The following LHFPL3 variants were observed in gnomAD, a reference collection of about 807,000 sequenced individuals.
LHFPL3 encodes the protein LHFPL tetraspan subfamily member 3 protein.
Under a neutral mutation model 19.3 loss-of-function variants are expected in LHFPL3, and 5 were observed. The observed-to-expected ratio is 0.26, with a 90% CI of 0.14 to 0.54. The LOEUF is 0.54. Among genes scored for constraint, LHFPL3 ranks in the 20% least tolerant of loss-of-function variants. The pLI, the probability that LHFPL3 is intolerant of heterozygous loss-of-function variation, is 0.94. For missense variants in LHFPL3, 249 were observed against 307.4 expected, an observed-to-expected ratio of 0.81 and a Z score of 1.42; for synonymous variants, 133 against 126.2, an observed-to-expected ratio of 1.05 and a Z score of -0.36.
At position 104,369,179 on chromosome 7, in the gene LHFPL3, C is replaced by G. The variant is rs941740200; in HGVS notation, c.445+39955C>G. 4.6e-5 allele frequency among the ~76,000 whole-genome samples: 7 copies of G among 152,172 alleles called. 1 individual carries two copies. Among genetic ancestry groups the G allele is most frequent in the South Asian group, 4.2e-4 (2 of 4,808 alleles). ...CCAGTTTTAGGACATTACCATCAAC[C>G]CCCCCAAAATTCTCTTGAGTCTGTG... On this transcript the variant is annotated intron_variant, in intron 1 of 2. Coordinates refer to ENST00000424859, the MANE Select transcript of LHFPL3 (RefSeq NM_199000.3).
chr7:104,442,245 T>A (rs921329011), intron 1 of LHFPL3, among the ~76,000 whole-genome samples: 1 of 5,618 alleles, frequency 1.8e-4, no homozygotes, highest in East Asian at 2.3e-3. Flanking sequence ...AAATCTGGTC[T>A]TTTTTTTTTT....
At chr7:104,523,578 G>C (rs1794123538) in intron 1 of LHFPL3, among the ~76,000 whole-genome samples, 1 of 152,074 alleles carries the variant, frequency 6.6e-6, no homozygotes, top group Non-Finnish European at 1.5e-5. Context: ...TATAGGCCAG[G>C]CATCTTTTCT....
intron 2 of LHFPL3, among the ~76,000 whole-genome samples, chr7:104,754,689 G>A (rs1045283556): frequency 6.6e-6 from 1 of 152,200 alleles, no homozygotes; most frequent in Non-Finnish European, 1.5e-5. Context: ...GCCTCATGAT[G>A]CAGATCAATA....
At chr7:104,854,600 T>G (rs962817602) in intron 2 of LHFPL3, among the ~76,000 whole-genome samples, 6 of 152,226 alleles carry the variant, frequency 3.9e-5, no homozygotes, top group African/African-American at 1.4e-4. Flanking sequence ...CTTCTTATAC[T>G]CAACACAGAT....
At chr7:104,509,219 A>T (rs1275899523) in intron 1 of LHFPL3, among the ~76,000 whole-genome samples, 1 of 151,858 alleles carries the variant, frequency 6.6e-6, no homozygotes, top group East Asian at 1.9e-4. Context: ...ACCTAGTATC[A>T]TCCTGATACC....
intron 1 of LHFPL3, among the ~76,000 whole-genome samples, chr7:104,389,650 G>C (rs1301436536): frequency 6.6e-6 from 1 of 152,176 alleles, no homozygotes; most frequent in Admixed American, 6.6e-5. Flanking sequence ...GTGTGGTTCT[G>C]ACATAAGGAT....
At chr7:104,616,773 C>G (rs1791352280) in intron 1 of LHFPL3, among the ~76,000 whole-genome samples, 1 of 151,986 alleles carries the variant, frequency 6.6e-6, no homozygotes, top group Non-Finnish European at 1.5e-5. Flanking sequence ...GTCTAATATC[C>G]AGAATCTACA....
intron 1 of LHFPL3, among the ~76,000 whole-genome samples, chr7:104,731,976 G>C (rs1391350992): frequency 2.6e-5 from 4 of 152,208 alleles, no homozygotes; most frequent in Non-Finnish European, 5.9e-5. Context: ...CATCTATTGA[G>C]ATAATCATGT....
chr7:104,669,081 A>G (rs1199540489), intron 1 of LHFPL3: 20 of 1,612,538 alleles, frequency 1.2e-5, no homozygotes, highest in Non-Finnish European at 1.7e-5. Flanking sequence ...AGTCTCTAGA[A>G]AATGAAACAC....
chr7:104,377,398 A>G (rs1790736649), intron 1 of LHFPL3, among the ~76,000 whole-genome samples: 2 of 152,262 alleles, frequency 1.3e-5, no homozygotes, highest in Admixed American at 6.5e-5. Flanking sequence ...CAGGAAAAGA[A>G]GAGAAACCAG....
chr7:104,583,301 A>G (rs1266551832), intron 1 of LHFPL3, among the ~76,000 whole-genome samples: 1 of 151,448 alleles, frequency 6.6e-6, no homozygotes, highest in South Asian at 2.1e-4. Context: ...ACCTTATACA[A>G]AAATTAATTC....
chr7:104,762,064 TC>T (rs1306950281), intron 2 of LHFPL3, among the ~76,000 whole-genome samples: 1 of 152,192 alleles, frequency 6.6e-6, no homozygotes, highest in Non-Finnish European at 1.5e-5. Flanking sequence ...ATTCTGCATA[TC>T]TAATAAGCTC....
chr7:104,826,531 T>TTCA (rs1410038115), intron 2 of LHFPL3: 1 of 160,384 alleles, frequency 6.2e-6, no homozygotes, highest in African/African-American at 2.4e-5. Flanking sequence ...AGAACAGAAA[T>TTCA]TCATCAGATA....
intron 1 of LHFPL3, among the ~76,000 whole-genome samples, chr7:104,632,571 C>T (rs181661108): frequency 2.0e-5 from 3 of 152,312 alleles, no homozygotes; most frequent in East Asian, 1.9e-4. Flanking sequence ...TTCAGTTCTT[C>T]TAGTTTTCCA....
chr7:104,535,248 C>T (rs771471644), intron 1 of LHFPL3, among the ~76,000 whole-genome samples: 2 of 152,210 alleles, frequency 1.3e-5, no homozygotes, highest in Non-Finnish European at 2.9e-5. Context: ...AAAAGGATTG[C>T]TCACATTATA....
intron 2 of LHFPL3, among the ~76,000 whole-genome samples, chr7:104,774,874 T>C (rs1461682473): frequency 6.6e-6 from 1 of 152,206 alleles, no homozygotes; most frequent in East Asian, 1.9e-4. Flanking sequence ...AGCATCTTTA[T>C]ACATTAGAGC....
chr7:104,764,571 T>G (rs1483598379), intron 2 of LHFPL3, among the ~76,000 whole-genome samples: 1 of 152,196 alleles, frequency 6.6e-6, no homozygotes, highest in Non-Finnish European at 1.5e-5. Context: ...AGCTATTATT[T>G]CAGTTACAAA....
intron 1 of LHFPL3, among the ~76,000 whole-genome samples, chr7:104,709,743 G>C (rs1373617551): frequency 6.6e-6 from 1 of 152,050 alleles, no homozygotes; most frequent in African/African-American, 2.4e-5. Flanking sequence ...ATGAGCTGTT[G>C]GGTACACCTC....
intron 2 of LHFPL3, among the ~76,000 whole-genome samples, chr7:104,809,859 G>A (rs1790432625): frequency 6.6e-6 from 1 of 152,126 alleles, no homozygotes; most frequent in African/African-American, 2.4e-5. Context: ...CAGGTGCTGG[G>A]GTACAATAAT....
Sources: gnomAD v4.1 joint callset for allele counts (sites outside exome capture counted in the v4.1 genomes callset) on GRCh38, gnomAD v4.1.1 for gene constraint, MANE v1.5 for transcripts, NCBI Gene and HGNC (gene_info 2026-07-23, HGNC 2026-07-21) for gene names.